NELL1: variants seen among roughly 807,000 people sequenced by gnomAD.
NELL1 encodes the protein neural EGFL like 1, also known as protein kinase C-binding protein NELL1.
NELL1 carries 76 observed loss-of-function variants against 107.4 expected under a neutral mutation model. The observed-to-expected ratio is 0.71, with a 90% confidence interval of 0.59 to 0.86. The LOEUF is 0.86. NELL1 is among the 40% of genes least tolerant of loss of function. The pLI is 0.00. For synonymous variants in NELL1, 353 were observed against 341.2 expected (o/e 1.03, Z -0.38); for missense variants, 1,024 against 1,005.5 (o/e 1.02, Z -0.25).
At position 20,830,000 on chromosome 11, in the gene NELL1, G is replaced by A. The variant is rs189833318; in HGVS notation, c.336-17583G>A. ...TAGTAGTAAAGGATTTTGGCTGGGCGCAGTGGCTCATGCCTGTAATCCCCC... is the reference window on the plus strand; with the variant it reads ...TAGTAGTAAAGGATTTTGGCTGGGCACAGTGGCTCATGCCTGTAATCCCCC... On this transcript the variant is annotated intron_variant, in intron 3 of 19. Transcript: ENST00000357134. 9.1e-4 allele frequency among the ~76,000 whole-genome samples: 139 copies of A among 152,194 alleles called. 3 individuals are homozygous for A. The highest frequency in any genetic ancestry group is 7.3e-3 in the Admixed American group (111 of 15,296).
chr11:20,988,561 T>G (rs754887772), intron 12 of NELL1, among the ~76,000 whole-genome samples: 80 of 151,466 alleles, frequency 5.3e-4, no homozygotes, highest in Non-Finnish European at 9.1e-4. Context: ...GAAAGTATTT[T>G]CTTCTTACTG....
At chr11:21,342,178 G>A (rs1590853863) in intron 14 of NELL1, among the ~76,000 whole-genome samples, 1 of 152,268 alleles carries the variant, frequency 6.6e-6, no homozygotes, top group South Asian at 2.1e-4. Flanking sequence ...TTGGATCCAG[G>A]AAGGATAATT....
chr11:21,031,860 A>G (rs945649097), intron 12 of NELL1, among the ~76,000 whole-genome samples: 10 of 151,894 alleles, frequency 6.6e-5, no homozygotes, highest in Non-Finnish European at 2.9e-5. Context: ...ATCAGCCAAC[A>G]TGAAGAAACC....
At chr11:20,899,984 A>T (rs1403626557) in intron 5 of NELL1, among the ~76,000 whole-genome samples, 1 of 152,164 alleles carries the variant, frequency 6.6e-6, no homozygotes, top group Admixed American at 6.5e-5. Flanking sequence ...ATATACAGCA[A>T]ATCAAAACAA....
intron 13 of NELL1, among the ~76,000 whole-genome samples, chr11:21,135,747 C>T (rs1400742426): frequency 6.6e-6 from 1 of 152,076 alleles, no homozygotes; most frequent in Non-Finnish European, 1.5e-5. Context: ...ATACCTACAA[C>T]ATAGTAGTTG....
chr11:21,489,798 A>G (rs1336169729), intron 15 of NELL1, among the ~76,000 whole-genome samples: 5 of 152,122 alleles, frequency 3.3e-5, no homozygotes, highest in Admixed American at 1.3e-4. Flanking sequence ...ACATACCTCA[A>G]AATAATCATG....
intron 2 of NELL1, among the ~76,000 whole-genome samples, chr11:20,762,169 T>C: frequency 6.6e-6 from 1 of 152,232 alleles, no homozygotes; most frequent in East Asian, 1.9e-4. Context: ...ATTTGTTCCC[T>C]AATTGTTTAG....
intron 15 of NELL1, among the ~76,000 whole-genome samples, chr11:21,480,244 C>T (rs529595469): frequency 2.0e-5 from 3 of 152,078 alleles, no homozygotes; most frequent in Non-Finnish European, 4.4e-5. Flanking sequence ...AATCAGTGAA[C>T]CTTTAACTTG....
At chr11:21,398,352 TA>T (rs1852025525) in intron 15 of NELL1, among the ~76,000 whole-genome samples, 1 of 151,728 alleles carries the variant, frequency 6.6e-6, no homozygotes, top group Admixed American at 6.6e-5. Context: ...TTGTTCCTCC[TA>T]TTCTGGCAAT....
intron 13 of NELL1, among the ~76,000 whole-genome samples, chr11:21,224,270 TC>T (rs1857835595): frequency 6.6e-6 from 1 of 152,124 alleles, no homozygotes; most frequent in Admixed American, 6.6e-5. Context: ...TGAGGCAAGG[TC>T]TCTGTCTATC....
intron 11 of NELL1, among the ~76,000 whole-genome samples, chr11:20,958,997 C>A (rs776394230): frequency 6.6e-5 from 10 of 152,096 alleles, no homozygotes; most frequent in Admixed American, 5.9e-4. Flanking sequence ...AAGTACAGTC[C>A]GATGGCATTT....
At chr11:20,962,291 G>A (rs114310284) in intron 12 of NELL1, among the ~76,000 whole-genome samples, 1,532 of 152,018 alleles carry the variant, frequency 0.01, 21 homozygotes, top group African/African-American at 0.035. Flanking sequence ...GTAATTTTAA[G>A]AATTAAAAAT....
chr11:20,701,991 G>C (rs925052919), intron 2 of NELL1, among the ~76,000 whole-genome samples: 3 of 152,156 alleles, frequency 2.0e-5, no homozygotes, highest in Non-Finnish European at 4.4e-5. Flanking sequence ...TGGCAATGCA[G>C]GCTCTTTTTT....
chr11:20,956,900 G>A (rs538106411), intron 11 of NELL1, among the ~76,000 whole-genome samples: 1 of 151,924 alleles, frequency 6.6e-6, no homozygotes, highest in Non-Finnish European at 1.5e-5. Flanking sequence ...TTTTATGGTA[G>A]ATGTTACCTA....
intron 1 of NELL1, chr11:20,670,610 G>A (rs935674758): frequency 6.6e-6 from 1 of 152,228 alleles, no homozygotes; most frequent in Non-Finnish European, 1.5e-5. Context: ...TTGCCCAAAA[G>A]TCCCCTGGGG....
chr11:21,247,368 C>T (rs1858520789), intron 14 of NELL1, among the ~76,000 whole-genome samples: 1 of 152,112 alleles, frequency 6.6e-6, no homozygotes, highest in South Asian at 2.1e-4. Context: ...ACACATTGTA[C>T]ATCTCTGTAA....
At position 21,370,897 on chromosome 11, in the gene NELL1, C is replaced by T. The variant is rs774748702; in HGVS notation, c.1594C>T (p.Pro532Ser). The change falls in exon 15 of 20, where the codon CCC (proline) becomes TCC (serine). Residue 532 changes from proline (P) to serine (S), a missense_variant. Coordinates refer to ENST00000357134, the MANE Select transcript of NELL1 (RefSeq NM_006157.5). Reference sequence around the variant, plus strand: ...CAGATACGGTGGAACGTGTGTGGCTCCCAACAAATGTGTCTGTCCATCTGG... The same window carrying T: ...CAGATACGGTGGAACGTGTGTGGCTTCCAACAAATGTGTCTGTCCATCTGG... ...GCRYGGTCVA[P>S]NKCVCPSGFT... The T allele has an allele frequency of 1.2e-6, 2 of 1,611,678 alleles. No homozygotes were observed. The highest frequency in any genetic ancestry group is 2.2e-5 in the East Asian group (1 of 44,714).
At chr11:21,354,240 T>C (rs1286038032) in intron 14 of NELL1, among the ~76,000 whole-genome samples, 2 of 151,938 alleles carry the variant, frequency 1.3e-5, no homozygotes, top group African/African-American at 4.8e-5. Flanking sequence ...TTTGAAGGGG[T>C]GGGGTTAGGG....
At chr11:20,926,979 C>A (rs182691725) in intron 7 of NELL1, 18 of 231,954 alleles carry the variant, frequency 7.8e-5, no homozygotes, top group Non-Finnish European at 1.0e-4. Context: ...ATAATGAGTC[C>A]TTGAGAACAC....
Sources: gnomAD v4.1 joint callset for allele counts (sites outside exome capture counted in the v4.1 genomes callset) on GRCh38, gnomAD v4.1.1 for gene constraint, MANE v1.5 for transcripts, NCBI Gene and HGNC (gene_info 2026-07-23, HGNC 2026-07-21) for gene names.